UNC79: variants seen among roughly 807,000 people sequenced by gnomAD.
UNC79 encodes the protein protein unc-79 homolog.
A neutral mutation model predicts 283.1 loss-of-function variants in UNC79; 37 were observed. The ratio of observed to expected loss-of-function variants is 0.13; its 90% CI spans 0.10 to 0.17. The LOEUF (loss-of-function observed/expected upper bound fraction) is 0.17, where lower values mean the gene tolerates loss of function less well. Ranked by LOEUF, UNC79 falls within the 10% of genes least tolerant of loss-of-function variation. The pLI is 1.00. For missense variants in UNC79, 2,272 were observed against 3,211.1 expected (o/e 0.71, Z 7.07); for synonymous variants, 1,107 against 1,200.2 (o/e 0.92, Z 1.61).
exon 4 of UNC79, chr14:93,477,571 G>C (rs139388481): frequency 1.3e-6 from 2 of 1,599,490 alleles, no homozygotes; most frequent in African/African-American, 2.7e-5. Context: ...TTGGACAGTC[G>C]ATATTTTATA....
At chr14:93,561,822 G>GAGT (rs2062574350) in intron 14 of UNC79, among the ~76,000 whole-genome samples, 1 of 152,180 alleles carries the variant, frequency 6.6e-6, no homozygotes, top group Non-Finnish European at 1.5e-5. Flanking sequence ...GAGAAACAGT[G>GAGT]TAAACTGGCA....
intron 7 of UNC79, among the ~76,000 whole-genome samples, chr14:93,499,554 C>G (rs1284612724): frequency 6.6e-6 from 1 of 152,088 alleles, no homozygotes; most frequent in Non-Finnish European, 1.5e-5. Flanking sequence ...TTTTATTGAA[C>G]AAATAATTAT....
intron 1 of UNC79, among the ~76,000 whole-genome samples, chr14:93,406,530 G>A (rs751220655): frequency 5.3e-5 from 8 of 152,206 alleles, no homozygotes; most frequent in Non-Finnish European, 1.0e-4. Flanking sequence ...TGAGGCCACA[G>A]TGAACTATAA....
At chr14:93,372,734 C>A (rs2054478484) in intron 1 of UNC79, among the ~76,000 whole-genome samples, 1 of 152,166 alleles carries the variant, frequency 6.6e-6, no homozygotes, top group African/African-American at 2.4e-5. Context: ...GACTTCAATA[C>A]CCTTCTTAAA....
At chr14:93,610,067 AATATG>A (rs1348863749) in intron 26 of UNC79, among the ~76,000 whole-genome samples, 37 of 152,204 alleles carry the variant, frequency 2.4e-4, no homozygotes, top group African/African-American at 8.0e-4. Context: ...TCATCAGGAA[AATATG>A]ATGTGATGGG....
intron 7 of UNC79, among the ~76,000 whole-genome samples, chr14:93,518,280 G>A (rs2060164117): frequency 6.6e-6 from 1 of 151,894 alleles, no homozygotes; most frequent in Non-Finnish European, 1.5e-5. Context: ...AATTTTAATA[G>A]TTATGGGTTT....
intron 1 of UNC79, among the ~76,000 whole-genome samples, chr14:93,420,593 TATAG>T (rs2055574510): frequency 6.6e-6 from 1 of 151,824 alleles, no homozygotes. Flanking sequence ...TAATCTGCAC[TATAG>T]AACAAACAGA....
In UNC79 at chr14:93,690,974, C is replaced by T. The variant is rs1476407356; in HGVS notation, c.7272+671C>T. On this transcript the variant is annotated intron_variant, in intron 45 of 48. Transcript: ENST00000555664. This position sits in a 1 kb window ranked among gnomAD's most constrained non-coding sequence, Gnocchi z 4.3. Reference sequence around the variant, plus strand: ...GAGGTCACATTGGTCTTGGGGACAGCTCGGGTTTGGGACAGGGCAAGCTGA... The same window carrying T: ...GAGGTCACATTGGTCTTGGGGACAGTTCGGGTTTGGGACAGGGCAAGCTGA... 2 of 153,256 alleles carry T rather than the reference C, an allele frequency of 1.3e-5. No individual in the cohort carries two copies. The highest frequency in any genetic ancestry group is 4.8e-5 in the African/African-American group (2 of 41,450). The allele number at this position is 153,256 out of a possible 1,614,324, so 9.5% of individuals were successfully genotyped here. A position where few individuals can be genotyped will look rare whatever the true frequency, so the allele number is the denominator to read the frequency against.
Position 93,603,696 on chromosome 14 carries a change from G to A in UNC79, c.3754+278G>A, listed in dbSNP as rs557872151. Among the ~76,000 whole-genome samples the A allele has an allele frequency of 4.0e-4, 61 of 152,292 alleles. 1 individual carries two copies. Among genetic ancestry groups the A allele is most frequent in the African/African-American group, 1.3e-3 (52 of 41,560 alleles). ...TTGATGCTTGGCATGCAACTTAGAA[G>A]AAACATTTGCTCCTAAGTCCTAGGA... is the stretch of plus-strand genomic sequence containing the variant. On this transcript the variant is annotated intron_variant, in intron 26 of 48. Coordinates refer to ENST00000555664, the Ensembl canonical transcript of UNC79.
chr14:93,653,958 C>T, exon 37 of UNC79: 2 of 1,614,112 alleles, frequency 1.2e-6, no homozygotes, highest in East Asian at 2.2e-5. Context: ...TTTTTACGGA[C>T]CTTAGCCTCG....
At chr14:93,704,757 A>G (rs1187467895) in intron 48 of UNC79, 91 bp downstream of exon 51, 1 of 1,499,792 alleles carries the variant, frequency 6.7e-7, no homozygotes, top group Admixed American at 1.7e-5. Flanking sequence ...TTTACTATGG[A>G]GAAGGATGAA....
chr14:93,488,498 G>T (rs1165906580), intron 5 of UNC79, among the ~76,000 whole-genome samples: 2 of 150,416 alleles, frequency 1.3e-5, no homozygotes, highest in Non-Finnish European at 3.0e-5. Flanking sequence ...GTGACACTGT[G>T]GTTTTTTTTT....
intron 1 of UNC79, among the ~76,000 whole-genome samples, chr14:93,362,194 G>A (rs1566892822): frequency 6.6e-6 from 1 of 152,040 alleles, no homozygotes; most frequent in African/African-American, 2.4e-5. Context: ...GAATGATGCT[G>A]GCCTCAGAAT....
chr14:93,333,434 C>G, exon 1 of UNC79: 1 of 398,650 alleles, frequency 2.5e-6, no homozygotes, highest in Non-Finnish European at 4.4e-6. Context: ...ATGAGTGCAT[C>G]TTTCTCGAGA....
chr14:93,633,783 G>A (rs1004798491), intron 31 of UNC79, among the ~76,000 whole-genome samples: 10 of 152,078 alleles, frequency 6.6e-5, no homozygotes, highest in African/African-American at 2.4e-4. Flanking sequence ...TTTCACTGAT[G>A]GGATATGTTT....
intron 39 of UNC79, among the ~76,000 whole-genome samples, chr14:93,659,909 A>G (rs891276996): frequency 1.3e-5 from 2 of 152,190 alleles, no homozygotes; most frequent in Non-Finnish European, 2.9e-5. Context: ...TCAAGGTCCC[A>G]TTTAATGAAA....
intron 40 of UNC79, among the ~76,000 whole-genome samples, chr14:93,672,462 G>C (rs1371106106): frequency 6.6e-6 from 1 of 152,168 alleles, no homozygotes; most frequent in Non-Finnish European, 1.5e-5. Flanking sequence ...GCTAAAAAAA[G>C]ATTGATTTCA....
intron 1 of UNC79, among the ~76,000 whole-genome samples, chr14:93,411,089 G>A (rs542756268): frequency 1.3e-5 from 2 of 151,998 alleles, no homozygotes; most frequent in Admixed American, 6.5e-5. Flanking sequence ...TGCCCCGAAG[G>A]GTGAGTCCCA....
At chr14:93,508,405 G>A (rs141341946) in intron 7 of UNC79, among the ~76,000 whole-genome samples, 1 of 152,094 alleles carries the variant, frequency 6.6e-6, no homozygotes, top group Non-Finnish European at 1.5e-5. Context: ...ACAACAAAAA[G>A]AATTTCTGCC....
Sources: gnomAD v4.1 joint callset for allele counts (sites outside exome capture counted in the v4.1 genomes callset) on GRCh38, gnomAD v4.1.1 for gene constraint, Gnocchi (gnomAD v3.1) non-coding constraint, MANE v1.5 for transcripts, NCBI Gene and HGNC (gene_info 2026-07-23, HGNC 2026-07-21) for gene names.